Variants in NPFFR2 observed in about 807,000 individuals in gnomAD.
The protein encoded by NPFFR2 is G-protein coupled receptor 74.
A neutral mutation model predicts 13.1 loss-of-function variants in NPFFR2; 15 were observed. That is an observed-to-expected ratio of 1.15 (90% confidence interval 0.77 to 1.76). The LOEUF (loss-of-function observed/expected upper bound fraction) is 1.76, where lower values mean the gene tolerates loss of function less well. NPFFR2 is among the 40% of genes most tolerant of loss of function. NPFFR2 has a pLI of 0.00. For synonymous variants in NPFFR2, 190 were observed against 175.7 expected, an observed-to-expected ratio of 1.08 and a Z score of -0.65; for missense variants, 572 against 503.5, an observed-to-expected ratio of 1.14 and a Z score of -1.30.
intron 1 of NPFFR2, among the ~76,000 whole-genome samples, chr4:72,101,486 T>C (rs1721248473): frequency 6.6e-6 from 1 of 151,362 alleles, no homozygotes; most frequent in African/African-American, 2.4e-5. Flanking sequence ...TTAAAATATG[T>C]TATATATAAT....
chr4:72,034,940 A>G (rs1048400765), intron 1 of NPFFR2, among the ~76,000 whole-genome samples: 43 of 152,336 alleles, frequency 2.8e-4, no homozygotes, highest in African/African-American at 9.9e-4. Context: ...AAAGTAAAGA[A>G]ATTAGGTTTC....
chr4:72,147,832 C>A lies in NPFFR2; in HGVS notation c.*20C>A. ...ATTTAAAAAGAGCTAGTGTGATAAT[C>A]CTAACTCTACTACGCATTATATATT... On this transcript the variant is annotated 3_prime_UTR_variant, in exon 4 of 4. Transcript: ENST00000308744. 2 of 1,459,814 alleles carry A rather than the reference C, an allele frequency of 1.4e-6. No individual in the cohort carries two copies. 90.4% of individuals were successfully genotyped at this position (1,459,814 alleles called of 1,614,324 possible).
At chr4:72,089,371 TCTA>T (rs1282523347) in intron 1 of NPFFR2, among the ~76,000 whole-genome samples, 6 of 152,298 alleles carry the variant, frequency 3.9e-5, no homozygotes, top group African/African-American at 1.4e-4. Context: ...AAATGGTATA[TCTA>T]CTTTTAGTTC....
chr4:72,061,896 C>G (rs1325582642), intron 1 of NPFFR2, among the ~76,000 whole-genome samples: 1 of 152,008 alleles, frequency 6.6e-6, no homozygotes, highest in Non-Finnish European at 1.5e-5. Flanking sequence ...CACATGTATA[C>G]CTATGTAACA....
At chr4:72,069,495 AC>A (rs1311578078) in intron 1 of NPFFR2, among the ~76,000 whole-genome samples, 2 of 152,154 alleles carry the variant, frequency 1.3e-5, no homozygotes, top group African/African-American at 2.4e-5. Flanking sequence ...TAAAAAGTGA[AC>A]TTTTAAAGCC....
intron 1 of NPFFR2, among the ~76,000 whole-genome samples, chr4:72,102,077 A>G (rs1326770227): frequency 1.3e-5 from 2 of 152,116 alleles, no homozygotes; most frequent in Non-Finnish European, 2.9e-5. Flanking sequence ...ATAAATTGGA[A>G]TTTTATGTCA....
In NPFFR2 at chr4:72,042,586, A is replaced by G. The variant is rs573356838; in HGVS notation, c.-8+10386A>G. 2.6e-5 allele frequency among the ~76,000 whole-genome samples: 4 copies of G among 152,324 alleles called. No homozygotes were observed. The East Asian group carries it at 7.7e-4, about 29-fold the overall frequency. On this transcript the variant is annotated intron_variant, in intron 1 of 3. Coordinates refer to ENST00000308744, the MANE Select transcript of NPFFR2 (RefSeq NM_004885.3). ...GATAGTGATATGGACAATAATGTCCAGGCTGAGGTAATCTGAGATTGAGAT... is the reference window on the plus strand; with the variant it reads ...GATAGTGATATGGACAATAATGTCCGGGCTGAGGTAATCTGAGATTGAGAT...
intron 1 of NPFFR2, among the ~76,000 whole-genome samples, chr4:72,070,922 A>G (rs1442415749): frequency 1.3e-5 from 2 of 152,092 alleles, no homozygotes; most frequent in Admixed American, 6.6e-5. Context: ...ATTTATTTCG[A>G]CAATGTTTCA....
rs34623356 is a variant in NPFFR2, at chr4:72,038,901, C to CTTTTTTT, written c.-8+6704_-8+6705insTTTTTTT. Among the ~76,000 whole-genome samples the CTTTTTTT allele has an allele frequency of 4.0e-3, 343 of 86,800 alleles. 11 individuals carry two copies. Among genetic ancestry groups the CTTTTTTT allele is most frequent in the Admixed American group, 5.3e-3 (31 of 5,818 alleles). The allele number at this position is 86,800 out of a possible 152,430, so 56.9% of individuals were successfully genotyped here. On this transcript the variant is annotated intron_variant, in intron 1 of 3. Coordinates refer to ENST00000308744, the MANE Select transcript of NPFFR2 (RefSeq NM_004885.3). Reference sequence around the variant, plus strand: ...TTTTAATTCTTGATTTTTAAATTTCCTTTCTTTTTTTTTTTTTTTTTTTTT... The same window carrying CTTTTTTT: ...TTTTAATTCTTGATTTTTAAATTTCCTTTTTTTTTTCTTTTTTTTTTTTTTTTTTTTT...
At chr4:72,057,014 A>G (rs1029009434) in intron 1 of NPFFR2, among the ~76,000 whole-genome samples, 1 of 152,022 alleles carries the variant, frequency 6.6e-6, no homozygotes, top group Admixed American at 6.6e-5. Context: ...GGATTTGTAT[A>G]TAAATGACAT....
chr4:72,129,086 A>G lies in NPFFR2; in HGVS notation c.328+167A>G, dbSNP rs142163581. Reference sequence around the variant, plus strand: ...TTGGATCTGCATTCTGAAGGACTAGATGGACAATAAATAATTATATTAGAG... The same window carrying G: ...TTGGATCTGCATTCTGAAGGACTAGGTGGACAATAAATAATTATATTAGAG... On this transcript the variant is annotated intron_variant, in intron 2 of 3. Coordinates refer to ENST00000308744, the MANE Select transcript of NPFFR2 (RefSeq NM_004885.3). Among the ~76,000 whole-genome samples, 648 of 152,342 alleles carry G rather than the reference A, an allele frequency of 4.3e-3. 6 individuals carry two copies. The highest frequency in any genetic ancestry group is 0.015 in the African/African-American group (622 of 41,568).
chr4:72,148,293 C>T lies in NPFFR2; in HGVS notation c.*481C>T, dbSNP rs945066819. On this transcript the variant is annotated 3_prime_UTR_variant, in exon 4 of 4. Coordinates refer to ENST00000308744, the MANE Select transcript of NPFFR2 (RefSeq NM_004885.3). ...TACTTGGTTTTCTAAGAAATACATTCGATCACATGAAATTCTCTGCTGTTG... is the reference window on the plus strand; with the variant it reads ...TACTTGGTTTTCTAAGAAATACATTTGATCACATGAAATTCTCTGCTGTTG... Among the ~76,000 whole-genome samples the T allele has an allele frequency of 3.9e-5, 6 of 152,272 alleles. No homozygotes were observed. The highest frequency in any genetic ancestry group is 6.5e-5 in the Admixed American group (1 of 15,298).
intron 1 of NPFFR2, among the ~76,000 whole-genome samples, chr4:72,064,401 A>G (rs1200205358): frequency 6.6e-6 from 1 of 152,134 alleles, no homozygotes; most frequent in Non-Finnish European, 1.5e-5. Flanking sequence ...GTTCCCTGCC[A>G]CCCTCCGTAG....
chr4:72,039,445 A>G, intron 1 of NPFFR2: 4 of 950,230 alleles, frequency 4.2e-6, no homozygotes, highest in Non-Finnish European at 5.0e-6. Flanking sequence ...CTATTATGTT[A>G]GATTTTTCTC....
intron 1 of NPFFR2, among the ~76,000 whole-genome samples, chr4:72,089,310 T>C (rs945424627): frequency 2.0e-5 from 3 of 152,084 alleles, no homozygotes; most frequent in African/African-American, 7.2e-5. Flanking sequence ...CTTTTCCATA[T>C]AATGGCTTAT....
chr4:72,135,119 TG>T (rs1292113492), intron 2 of NPFFR2, among the ~76,000 whole-genome samples: 4 of 152,202 alleles, frequency 2.6e-5, no homozygotes, highest in African/African-American at 9.6e-5. Context: ...GTATTACTGC[TG>T]AAAAAACATG....
intron 2 of NPFFR2, among the ~76,000 whole-genome samples, chr4:72,136,145 T>C (rs1703207743): frequency 6.6e-6 from 1 of 152,082 alleles, no homozygotes; most frequent in Admixed American, 6.5e-5. Context: ...TACTTGAGCC[T>C]AGGAGTTCAA....
chr4:72,055,991 A>G (rs1719733679), intron 1 of NPFFR2, among the ~76,000 whole-genome samples: 1 of 151,990 alleles, frequency 6.6e-6, no homozygotes, highest in Non-Finnish European at 1.5e-5. Flanking sequence ...CCGTGCCATA[A>G]AAGTCAAAGG....
chr4:72,119,385 A>T (rs1721803013), intron 1 of NPFFR2, among the ~76,000 whole-genome samples: 1 of 152,224 alleles, frequency 6.6e-6, no homozygotes, highest in African/African-American at 2.4e-5. Flanking sequence ...ATACACTGTA[A>T]TTATTTATAA....
Sources: gnomAD v4.1 joint callset for allele counts (sites outside exome capture counted in the v4.1 genomes callset) on GRCh38, gnomAD v4.1.1 for gene constraint, MANE v1.5 for transcripts, NCBI Gene and HGNC (gene_info 2026-07-23, HGNC 2026-07-21) for gene names.